Variants in GRIP1 observed in about 807,000 individuals in gnomAD.
GRIP1 encodes the protein glutamate receptor-interacting protein 1.
A neutral mutation model predicts 129.9 loss-of-function variants in GRIP1; 45 were observed. The observed-to-expected ratio is 0.35, with a 90% CI of 0.27 to 0.44. The LOEUF is 0.44. Ranked by LOEUF, GRIP1 falls within the 20% of genes least tolerant of loss-of-function variation. GRIP1 has a pLI of 1.00. For missense variants in GRIP1, 1,196 were observed against 1,396.8 expected (o/e 0.86, Z 2.29); for synonymous variants, 530 against 520.8 (o/e 1.02, Z -0.24).
chr12:66,653,204 T>TA (rs956206235), intron 1 of GRIP1, among the ~76,000 whole-genome samples: 50 of 151,460 alleles, frequency 3.3e-4, no homozygotes, highest in South Asian at 2.3e-3. Context: ...AAACTTAAAA[T>TA]AAAAAAAAAC....
chr12:66,786,593 T>A (rs953257050), intron 1 of GRIP1, among the ~76,000 whole-genome samples: 1 of 152,212 alleles, frequency 6.6e-6, no homozygotes, highest in Non-Finnish European at 1.5e-5. Flanking sequence ...ACCCAGTATC[T>A]ACTGGTGAGC....
At chr12:67,041,898 T>C (rs1181119321) in intron 1 of GRIP1, among the ~76,000 whole-genome samples, 2 of 152,194 alleles carry the variant, frequency 1.3e-5, no homozygotes, top group Non-Finnish European at 2.9e-5. Flanking sequence ...TATTCACTTA[T>C]TGCTGCTATG....
chr12:66,417,176 T>C lies in GRIP1; in HGVS notation c.1838+3544A>G, dbSNP rs142071732. Among the ~76,000 whole-genome samples, 579 of 152,082 alleles carry C rather than the reference T, an allele frequency of 3.8e-3. 4 individuals carry two copies. The highest frequency in any genetic ancestry group is 0.013 in the African/African-American group (548 of 41,510). On this transcript the variant is annotated intron_variant, in intron 15 of 24. Coordinates refer to ENST00000359742, the MANE Select transcript of GRIP1 (RefSeq NM_001366722.1). ...AGTGAAACACATCATGTCAGTAGAATAAAGGACAAAAACCATATGATCATT... is the reference window on the plus strand; with the variant it reads ...AGTGAAACACATCATGTCAGTAGAACAAAGGACAAAAACCATATGATCATT...
At chr12:66,889,373 A>C (rs1013717578) in intron 1 of GRIP1, among the ~76,000 whole-genome samples, 20 of 152,186 alleles carry the variant, frequency 1.3e-4, no homozygotes, top group African/African-American at 3.6e-4. Flanking sequence ...AGGCAGGAGA[A>C]TCACTTGAAC....
At chr12:66,410,032 C>T (rs561352910) in intron 15 of GRIP1, among the ~76,000 whole-genome samples, 2 of 148,386 alleles carry the variant, frequency 1.3e-5, no homozygotes, top group South Asian at 2.2e-4. Context: ...GGGCGGATCA[C>T]GAGGTCAGGA....
chr12:66,794,914 G>A (rs61926159), intron 1 of GRIP1, among the ~76,000 whole-genome samples: 6,064 of 152,220 alleles, frequency 0.04, 136 homozygotes, highest in Middle Eastern at 0.092. Flanking sequence ...AGGTGATGGG[G>A]ATTCCCCAAT....
At chr12:66,963,975 C>G (rs2041959762) in intron 1 of GRIP1, among the ~76,000 whole-genome samples, 1 of 152,156 alleles carries the variant, frequency 6.6e-6, no homozygotes. Context: ...TGACCATTCT[C>G]CTTTAAGCCC....
intron 1 of GRIP1, among the ~76,000 whole-genome samples, chr12:66,921,389 A>T (rs1249463710): frequency 6.6e-6 from 1 of 152,228 alleles, no homozygotes; most frequent in Non-Finnish European, 1.5e-5. Flanking sequence ...CAAAAGCCTT[A>T]TCTGGATCAT....
intron 1 of GRIP1, among the ~76,000 whole-genome samples, chr12:66,980,151 T>C (rs1181718030): frequency 6.6e-6 from 1 of 152,182 alleles, no homozygotes; most frequent in African/African-American, 2.4e-5. Context: ...CAGTTACCTA[T>C]GAGGACATGA....
chr12:66,664,972 A>C (rs1438070819), intron 1 of GRIP1, among the ~76,000 whole-genome samples: 1 of 151,980 alleles, frequency 6.6e-6, no homozygotes, highest in Non-Finnish European at 1.5e-5. Flanking sequence ...ACTTCTGAAA[A>C]TACCAGAATA....
At position 66,992,577 on chromosome 12, in the gene GRIP1, A is replaced by G. The variant is rs543013780; in HGVS notation, c.58+76473T>C. 3.3e-5 allele frequency among the ~76,000 whole-genome samples: 5 copies of G among 152,334 alleles called. No individual in the cohort carries two copies. The South Asian group carries it at 6.2e-4, about 19-fold the overall frequency. ...AACTAACTAGACCTAACATATATCT[A>G]TAGAACACTCTGCCCAACAATTACA... On this transcript the variant is annotated intron_variant, in intron 1 of 1. Coordinates refer to the GRIP1 transcript ENST00000643019.
intron 1 of GRIP1, among the ~76,000 whole-genome samples, chr12:66,919,013 G>A (rs908715069): frequency 1.3e-5 from 2 of 152,126 alleles, no homozygotes; most frequent in Non-Finnish European, 2.9e-5. Flanking sequence ...TAGGGCCAGA[G>A]GTCATTTGAG....
At chr12:66,682,901 T>C (rs11176376), upstream of GRIP1, among the ~76,000 whole-genome samples, 1,141 of 152,310 alleles carry the variant, frequency 7.5e-3, 13 homozygotes, top group Non-Finnish European at 0.012. Context: ...ATATACCTGA[T>C]AGATCCCATT....
intron 2 of GRIP1, among the ~76,000 whole-genome samples, chr12:66,586,335 C>A (rs1314646137): frequency 6.6e-6 from 1 of 152,188 alleles, no homozygotes; most frequent in South Asian, 2.1e-4. Flanking sequence ...TGGCTCATAA[C>A]TTGGATTCCA....
At chr12:66,447,888 G>A (rs1482380807) in intron 11 of GRIP1, among the ~76,000 whole-genome samples, 4 of 152,166 alleles carry the variant, frequency 2.6e-5, no homozygotes, top group Non-Finnish European at 5.9e-5. Context: ...TCTAGCTGGC[G>A]ACTGGCTTTA....
chr12:66,709,062 A>T (rs901217103), intron 1 of GRIP1, among the ~76,000 whole-genome samples: 3 of 151,934 alleles, frequency 2.0e-5, no homozygotes, highest in African/African-American at 7.2e-5. Context: ...AATGAAAAAT[A>T]AGATAAAAGC....
chr12:66,385,995 C>T (rs1274724368), intron 19 of GRIP1, among the ~76,000 whole-genome samples: 1 of 152,020 alleles, frequency 6.6e-6, no homozygotes, highest in African/African-American at 2.4e-5. Flanking sequence ...ACTTTGTATC[C>T]TAATAGGAGG....
At chr12:66,966,329 A>G (rs577132079) in intron 1 of GRIP1, among the ~76,000 whole-genome samples, 13 of 152,336 alleles carry the variant, frequency 8.5e-5, no homozygotes, top group African/African-American at 3.1e-4. Context: ...AGATTTATAG[A>G]AAAATTACAA....
chr12:66,558,764 C>T (rs544823461), intron 2 of GRIP1, among the ~76,000 whole-genome samples: 1 of 150,908 alleles, frequency 6.6e-6, no homozygotes, highest in South Asian at 2.1e-4. Flanking sequence ...TGAAGAAGAA[C>T]TAATGCCAAT....
Sources: gnomAD v4.1 joint callset for allele counts (sites outside exome capture counted in the v4.1 genomes callset) on GRCh38, gnomAD v4.1.1 for gene constraint, MANE v1.5 for transcripts, NCBI Gene and HGNC (gene_info 2026-07-23, HGNC 2026-07-21) for gene names.